WWOX: variants seen among roughly 807,000 people sequenced by gnomAD.
The protein encoded by WWOX is WW domain containing oxidoreductase.
WWOX carries 69 observed loss-of-function variants against 46.2 expected under a neutral mutation model. The ratio of observed to expected loss-of-function variants is 1.49; its 90% confidence interval spans 1.23 to 1.82. The LOEUF is 1.82. Among genes scored for constraint, WWOX ranks in the 40% most tolerant of loss-of-function variants. The probability of loss-of-function intolerance (pLI) is 0.00; values close to 1 mark genes in which losing one functional copy is unlikely to be tolerated. For synonymous variants in WWOX, 359 were observed against 202.6 expected, an observed-to-expected ratio of 1.77 and a Z score of -6.56; for missense variants, 919 against 542.6, an observed-to-expected ratio of 1.69 and a Z score of -6.89.
intron 5 of WWOX, among the ~76,000 whole-genome samples, chr16:78,369,855 A>G (rs76892826): frequency 0.053 from 8,075 of 152,074 alleles, 282 homozygotes; most frequent in East Asian, 0.12. Context: ...CCATAAGGGC[A>G]CGCACAATGG....
intron 6 of WWOX, among the ~76,000 whole-genome samples, chr16:78,415,863 C>G (rs888608013): frequency 6.6e-6 from 1 of 152,158 alleles, no homozygotes; most frequent in Non-Finnish European, 1.5e-5. Flanking sequence ...TGTCCTCTGG[C>G]CCAGAAGGAA....
At chr16:78,142,834 T>C (rs368213369) in intron 4 of WWOX, among the ~76,000 whole-genome samples, 7 of 152,206 alleles carry the variant, frequency 4.6e-5, no homozygotes, top group East Asian at 3.9e-4. Context: ...AGCTTAGTAA[T>C]TTACTTAGAA....
intron 5 of WWOX, among the ~76,000 whole-genome samples, chr16:78,267,552 G>T (rs928706817): frequency 6.6e-6 from 1 of 152,210 alleles, no homozygotes; most frequent in Admixed American, 6.5e-5. Flanking sequence ...GCTGGGGTCA[G>T]CCCAGGACTC....
Position 78,560,136 on chromosome 16 carries a change from C to CA in WWOX, c.1056+127390dup, listed in dbSNP as rs554587455. On this transcript the variant is annotated intron_variant, in intron 8 of 8. Coordinates refer to ENST00000566780, the MANE Select transcript of WWOX (RefSeq NM_016373.4). The stretch of plus-strand genomic sequence containing the variant: ...AGATTATATTAGAAAATATTCTATA[C>CA]AAAAAATATGCATAGTAGGGCTTTT... 3.2e-3 allele frequency among the ~76,000 whole-genome samples: 481 copies of CA among 152,192 alleles called. 3 individuals carry two copies. The highest frequency in any genetic ancestry group is 0.011 in the African/African-American group (456 of 41,514).
chr16:78,455,197 G>A (rs919651397), intron 8 of WWOX, among the ~76,000 whole-genome samples: 1 of 152,196 alleles, frequency 6.6e-6, no homozygotes, highest in East Asian at 1.9e-4. Flanking sequence ...AGACTTGAAT[G>A]ATGTGTCGGA....
At chr16:79,163,857 T>G (rs1597436028) in intron 8 of WWOX, among the ~76,000 whole-genome samples, 13 of 112,398 alleles carry the variant, frequency 1.2e-4, no homozygotes, top group South Asian at 2.9e-4. Flanking sequence ...AGAGAGAAAG[T>G]GAAAGCAACA....
intron 8 of WWOX, among the ~76,000 whole-genome samples, chr16:78,717,762 A>G (rs948756880): frequency 6.6e-6 from 1 of 152,132 alleles, no homozygotes; most frequent in African/African-American, 2.4e-5. Context: ...CTAATCGAGG[A>G]TTAGGATGGA....
chr16:78,684,012 C>G (rs7193209), intron 8 of WWOX, among the ~76,000 whole-genome samples: 3 of 152,284 alleles, frequency 2.0e-5, no homozygotes, highest in African/African-American at 7.2e-5. Context: ...TTCTGACTAG[C>G]TGATTCTGCT....
Position 78,537,669 on chromosome 16 carries a change from G to T in WWOX, c.1056+104917G>T, listed in dbSNP as rs190299056. ...ATGTTGTTGTTGTGACAACTGTCTCGGGGGCTGGAGTTAGAGCCAGGGTCC... is the reference window on the plus strand; with the variant it reads ...ATGTTGTTGTTGTGACAACTGTCTCTGGGGCTGGAGTTAGAGCCAGGGTCC... On this transcript the variant is annotated intron_variant, in intron 8 of 8. Coordinates refer to ENST00000566780, the MANE Select transcript of WWOX (RefSeq NM_016373.4). 1.8e-3 allele frequency among the ~76,000 whole-genome samples: 268 copies of T among 152,220 alleles called. 4 individuals are homozygous for T. The highest frequency in any genetic ancestry group is 6.1e-3 in the African/African-American group (252 of 41,542).
At chr16:78,785,901 C>T (rs2050443896) in intron 8 of WWOX, among the ~76,000 whole-genome samples, 2 of 151,874 alleles carry the variant, frequency 1.3e-5, no homozygotes, top group African/African-American at 4.8e-5. Flanking sequence ...GTTAATATTT[C>T]TTTTTTATTT....
chr16:78,527,921 C>A (rs1346105011), intron 8 of WWOX, among the ~76,000 whole-genome samples: 1 of 150,542 alleles, frequency 6.6e-6, no homozygotes, highest in Non-Finnish European at 1.5e-5. Flanking sequence ...ATCAGCAGTG[C>A]CCAGGTTGGG....
chr16:79,039,692 A>G (rs528992124), intron 8 of WWOX, among the ~76,000 whole-genome samples: 1 of 152,310 alleles, frequency 6.6e-6, no homozygotes, highest in East Asian at 1.9e-4. Flanking sequence ...TTAAGAAAAC[A>G]TGAGGAGGAG....
chr16:79,063,776 T>C (rs1348221101), intron 8 of WWOX, among the ~76,000 whole-genome samples: 1 of 152,044 alleles, frequency 6.6e-6, no homozygotes, highest in African/African-American at 2.4e-5. Flanking sequence ...AAAATGAAAA[T>C]GAAAATAGAG....
chr16:78,709,205 C>G (rs1287550781), intron 8 of WWOX, among the ~76,000 whole-genome samples: 2 of 152,194 alleles, frequency 1.3e-5, no homozygotes, highest in African/African-American at 4.8e-5. Flanking sequence ...GAATGTGGCT[C>G]TGGAAAGCCC....
chr16:79,178,160 A>G (rs1259661952), intron 8 of WWOX, among the ~76,000 whole-genome samples: 1 of 152,164 alleles, frequency 6.6e-6, no homozygotes, highest in African/African-American at 2.4e-5. Context: ...GAGGATGCAA[A>G]CCTTCAGACC....
intron 5 of WWOX, among the ~76,000 whole-genome samples, chr16:78,308,050 G>A (rs1239388931): frequency 1.3e-5 from 2 of 151,266 alleles, no homozygotes; most frequent in East Asian, 3.9e-4. Flanking sequence ...TTCCCATGGT[G>A]CCTGCACTAG....
intron 8 of WWOX, among the ~76,000 whole-genome samples, chr16:78,941,148 A>T (rs759482869): frequency 6.6e-6 from 1 of 152,162 alleles, no homozygotes; most frequent in African/African-American, 2.4e-5. Context: ...TAACAAGCAG[A>T]TATACTGAAC....
chr16:78,803,275 G>C lies in WWOX; in HGVS notation c.1056+370523G>C, dbSNP rs76844570. Reference sequence around the variant, plus strand: ...TTTTTTCCTCTCCAAACCACCACGTGCTCTTGTGTGTTATTGTAGTGGCTT... The same window carrying C: ...TTTTTTCCTCTCCAAACCACCACGTCCTCTTGTGTGTTATTGTAGTGGCTT... On this transcript the variant is annotated intron_variant, in intron 8 of 8. Transcript: ENST00000566780. Among the ~76,000 whole-genome samples the C allele has an allele frequency of 2.8e-3, 421 of 151,142 alleles. 3 individuals carry two copies. The highest frequency in any genetic ancestry group is 9.9e-3 in the African/African-American group (406 of 41,116).
chr16:78,247,510 T>C (rs995533740), intron 5 of WWOX, among the ~76,000 whole-genome samples: 18 of 152,120 alleles, frequency 1.2e-4, no homozygotes, highest in Admixed American at 6.6e-5. Context: ...AGGTAACACA[T>C]GAATGCAGCT....
Sources: allele counts gnomAD v4.1 joint callset (sites outside exome capture counted in the v4.1 genomes callset), GRCh38; gene constraint gnomAD v4.1.1; transcripts MANE v1.5; gene names NCBI Gene and HGNC (gene_info 2026-07-23, HGNC 2026-07-21).